Variants in PRKG1 observed in about 807,000 individuals in gnomAD.
PRKG1 encodes protein kinase cGMP-dependent 1, also known as cGMP-dependent protein kinase 1.
PRKG1 carries 35 observed loss-of-function variants against 88.1 expected under a neutral mutation model. That is an observed-to-expected ratio of 0.40 (90% CI 0.30 to 0.53). PRKG1 has a LOEUF of 0.53. PRKG1 is among the 20% of genes least tolerant of loss of function. The pLI is 0.59. For missense variants in PRKG1, 540 were observed against 839.8 expected, an observed-to-expected ratio of 0.64 and a Z score of 4.41; for synonymous variants, 303 against 292.5, an observed-to-expected ratio of 1.04 and a Z score of -0.37.
intron 9 of PRKG1, among the ~76,000 whole-genome samples, chr10:52,169,994 TC>T (rs1478947969): frequency 2.6e-5 from 4 of 152,196 alleles, no homozygotes; most frequent in Non-Finnish European, 4.4e-5. Context: ...TGATGTTATT[TC>T]TTGGTTAAGA....
At chr10:51,391,224 A>C (rs557151079) in intron 2 of PRKG1, among the ~76,000 whole-genome samples, 18 of 152,228 alleles carry the variant, frequency 1.2e-4, no homozygotes, top group Non-Finnish European at 2.5e-4. Context: ...TAATTACTAG[A>C]ATGAATGATT....
chr10:51,373,800 TTTTC>T (rs1179244275), intron 2 of PRKG1, among the ~76,000 whole-genome samples: 1 of 152,078 alleles, frequency 6.6e-6, no homozygotes, highest in African/African-American at 2.4e-5. Context: ...CAGGTGTTTC[TTTTC>T]TTTCTTTTTT....
At chr10:51,361,965 C>A (rs974989417) in intron 2 of PRKG1, among the ~76,000 whole-genome samples, 1 of 151,722 alleles carries the variant, frequency 6.6e-6, no homozygotes, top group East Asian at 1.9e-4. Context: ...TCTGTTTTAA[C>A]AAGTTCATAA....
At chr10:51,437,064 G>A (rs572726479) in intron 2 of PRKG1, among the ~76,000 whole-genome samples, 78 of 151,946 alleles carry the variant, frequency 5.1e-4, no homozygotes, top group Middle Eastern at 3.4e-3. Context: ...ATCTTGTGGC[G>A]TCCTTGTTAG....
intron 9 of PRKG1, among the ~76,000 whole-genome samples, chr10:52,231,797 A>G (rs548488567): frequency 4.6e-5 from 7 of 152,300 alleles, no homozygotes; most frequent in Admixed American, 2.0e-4. Context: ...TTCTGTTTAA[A>G]TCTTTGTTTC....
At chr10:52,050,453 A>G (rs995731011) in intron 5 of PRKG1, among the ~76,000 whole-genome samples, 6 of 152,162 alleles carry the variant, frequency 3.9e-5, no homozygotes, top group African/African-American at 1.4e-4. Context: ...AACCTTCAAA[A>G]ACCAGTGAAA....
At chr10:51,736,791 G>C (rs1808204175) in intron 3 of PRKG1, among the ~76,000 whole-genome samples, 1 of 151,150 alleles carries the variant, frequency 6.6e-6, no homozygotes, top group African/African-American at 2.4e-5. Context: ...ACTACACCTG[G>C]CTAATTTTAA....
chr10:51,874,224 C>A (rs16924439), intron 4 of PRKG1, among the ~76,000 whole-genome samples: 9,099 of 152,268 alleles, frequency 0.06, 326 homozygotes, highest in Middle Eastern at 0.11. Context: ...GATTTGTTCT[C>A]CTTTTGCCAT....
At chr10:51,043,190 G>A (rs1401876963) in intron 1 of PRKG1, among the ~76,000 whole-genome samples, 2 of 152,134 alleles carry the variant, frequency 1.3e-5, no homozygotes, top group African/African-American at 4.8e-5. Context: ...TGTCTTACGG[G>A]GAGGGCAGGT....
At chr10:51,556,983 C>G (rs10998087) in intron 3 of PRKG1, among the ~76,000 whole-genome samples, 41,375 of 151,968 alleles carry the variant, frequency 0.27, 7,518 homozygotes, top group East Asian at 0.87. Flanking sequence ...TTCTATGTGT[C>G]TAATTTATCA....
chr10:51,658,615 A>G (rs569293509), intron 3 of PRKG1, among the ~76,000 whole-genome samples: 12 of 152,280 alleles, frequency 7.9e-5, no homozygotes, highest in Non-Finnish European at 1.6e-4. Flanking sequence ...TTCTTCATCT[A>G]TAAGCATAAC....
intron 2 of PRKG1, among the ~76,000 whole-genome samples, chr10:51,428,835 ACAG>A (rs1271155618): frequency 6.6e-6 from 1 of 152,224 alleles, no homozygotes. Flanking sequence ...AGCTAGCCTG[ACAG>A]CATGGTCCTG....
At chr10:51,579,239 C>T (rs1292308894) in intron 3 of PRKG1, among the ~76,000 whole-genome samples, 1 of 151,926 alleles carries the variant, frequency 6.6e-6, no homozygotes, top group Non-Finnish European at 1.5e-5. Flanking sequence ...ACCTTGGCCT[C>T]CCAAAGTGCT....
intron 3 of PRKG1, among the ~76,000 whole-genome samples, chr10:51,609,366 T>C (rs1564571469): frequency 6.6e-6 from 1 of 152,148 alleles, no homozygotes; most frequent in South Asian, 2.1e-4. Flanking sequence ...TTTTAAATAT[T>C]GTTAAAAATT....
intron 5 of PRKG1, 41 bp downstream of exon 5, chr10:51,907,611 A>G (rs1214383217): frequency 6.4e-7 from 1 of 1,552,768 alleles, no homozygotes; most frequent in Non-Finnish European, 8.9e-7. Flanking sequence ...GATGGGATCC[A>G]GCCTGCTTGG....
intron 2 of PRKG1, among the ~76,000 whole-genome samples, chr10:51,280,679 C>T (rs930812657): frequency 3.9e-5 from 6 of 152,324 alleles, no homozygotes; most frequent in South Asian, 2.1e-4. Context: ...CTTGTGCATT[C>T]GTCAAGTAGT....
chr10:51,943,168 C>T (rs1380295837), intron 5 of PRKG1, among the ~76,000 whole-genome samples: 2 of 152,006 alleles, frequency 1.3e-5, no homozygotes, highest in Non-Finnish European at 1.5e-5. Flanking sequence ...AGGTCCTTCA[C>T]GTCCCTTGGA....
chr10:52,257,173 A>C (rs1841328159), intron 10 of PRKG1, among the ~76,000 whole-genome samples: 1 of 139,256 alleles, frequency 7.2e-6, no homozygotes, highest in Non-Finnish European at 1.6e-5. Flanking sequence ...GGAAAAGAAA[A>C]TGTGGTAGTC....
chr10:52,120,685 A>C (rs1847799889), intron 7 of PRKG1, among the ~76,000 whole-genome samples: 1 of 152,202 alleles, frequency 6.6e-6, no homozygotes, highest in Admixed American at 6.5e-5. Context: ...TTCTGTGCAC[A>C]CTGGGACAGG....
Sources: gnomAD v4.1 joint callset for allele counts (sites outside exome capture counted in the v4.1 genomes callset) on GRCh38, gnomAD v4.1.1 for gene constraint, MANE v1.5 for transcripts, NCBI Gene and HGNC (gene_info 2026-07-23, HGNC 2026-07-21) for gene names.